SWAP70: variants seen among roughly 807,000 people sequenced by gnomAD.
SWAP70 encodes the protein switch-associated protein 70.
A neutral mutation model predicts 80.2 loss-of-function variants in SWAP70; 34 were observed. The ratio of observed to expected loss-of-function variants is 0.42; its 90% CI spans 0.32 to 0.56. The LOEUF (loss-of-function observed/expected upper bound fraction) is 0.56, where lower values mean the gene tolerates loss of function less well. Among genes scored for constraint, SWAP70 ranks in the 20% least tolerant of loss-of-function variants. The probability of loss-of-function intolerance (pLI) is 0.09; values close to 1 mark genes in which losing one functional copy is unlikely to be tolerated. For synonymous variants in SWAP70, 239 were observed against 238.5 expected, an observed-to-expected ratio of 1.00 and a Z score of -0.02; for missense variants, 578 against 690.7, an observed-to-expected ratio of 0.84 and a Z score of 1.83.
At chr11:9,724,997 G>A (rs556924284) in intron 4 of SWAP70, 112 bp downstream of exon 4, 32 of 815,344 alleles carry the variant, frequency 3.9e-5, no homozygotes, top group Non-Finnish European at 5.9e-5. Flanking sequence ...CACTGATTTC[G>A]TTTTTTTATT....
intron 1 of SWAP70, among the ~76,000 whole-genome samples, chr11:9,675,274 G>A: frequency 6.6e-6 from 1 of 151,070 alleles, no homozygotes. Flanking sequence ...GAAACAGAGT[G>A]AGACCCTGTA....
intron 2 of SWAP70, among the ~76,000 whole-genome samples, chr11:9,698,539 T>C (rs2645015): frequency 0.12 from 17,721 of 151,688 alleles, 2,111 homozygotes; most frequent in African/African-American, 0.3. Flanking sequence ...TGAGTAGCTG[T>C]GACAACAGGC....
chr11:9,726,262 G>T (rs768275710), intron 4 of SWAP70, among the ~76,000 whole-genome samples: 5 of 152,136 alleles, frequency 3.3e-5, no homozygotes, highest in Non-Finnish European at 7.3e-5. Context: ...GATGAAGCTC[G>T]ATGCTTGTTA....
At chr11:9,698,430 C>G (rs1428036070) in intron 2 of SWAP70, among the ~76,000 whole-genome samples, 1 of 151,728 alleles carries the variant, frequency 6.6e-6, no homozygotes, top group East Asian at 1.9e-4. Context: ...CGGAGTCTCT[C>G]TTTGTCCCCC....
chr11:9,696,046 A>G (rs1183388012), intron 2 of SWAP70, among the ~76,000 whole-genome samples: 1 of 152,154 alleles, frequency 6.6e-6, no homozygotes, highest in African/African-American at 2.4e-5. Context: ...GTGGTGGAGT[A>G]ATGTGTGAAT....
At chr11:9,670,943 C>T (rs892273954) in intron 1 of SWAP70, among the ~76,000 whole-genome samples, 4 of 150,426 alleles carry the variant, frequency 2.7e-5, no homozygotes, top group Non-Finnish European at 5.9e-5. Flanking sequence ...TTAGTAGAGA[C>T]GGGGTTTCAC....
chr11:9,729,146 T>G (rs1303210981), intron 5 of SWAP70, among the ~76,000 whole-genome samples, 197 bp from the exon 6 acceptor site: 1 of 152,192 alleles, frequency 6.6e-6, no homozygotes, highest in East Asian at 1.9e-4. Flanking sequence ...GTTTTACCAG[T>G]CTAGATGTAG....
intron 2 of SWAP70, among the ~76,000 whole-genome samples, chr11:9,696,547 A>G (rs961788774): frequency 6.6e-6 from 1 of 152,128 alleles, no homozygotes; most frequent in Non-Finnish European, 1.5e-5. Context: ...CCCTCAAATC[A>G]ATATATGCTA....
chr11:9,716,613 C>T (rs1851069360), intron 3 of SWAP70, among the ~76,000 whole-genome samples: 1 of 152,138 alleles, frequency 6.6e-6, no homozygotes, highest in African/African-American at 2.4e-5. Context: ...AGTGCCTGGA[C>T]CCATGGTAGC....
At chr11:9,665,491 A>T (rs1850297440) in intron 1 of SWAP70, among the ~76,000 whole-genome samples, 1 of 152,180 alleles carries the variant, frequency 6.6e-6, no homozygotes. Context: ...TATCACCACA[A>T]CCATGGCTTC....
chr11:9,674,786 A>AC (rs1850465852), intron 1 of SWAP70, among the ~76,000 whole-genome samples: 1 of 151,822 alleles, frequency 6.6e-6, no homozygotes, highest in Non-Finnish European at 1.5e-5. Context: ...AACACGGTGA[A>AC]ACCCCTTCTC....
At chr11:9,725,530 A>AATATATATATAT (rs1211819180) in intron 4 of SWAP70, among the ~76,000 whole-genome samples, 8 of 60,566 alleles carry the variant, frequency 1.3e-4, no homozygotes, top group African/African-American at 3.3e-4. Flanking sequence ...AAAAATACAA[A>AATATATATATAT]ATATATATAT....
rs79031269 is a variant in SWAP70, at chr11:9,702,502, G to C, written c.240+8216G>C. The stretch of plus-strand genomic sequence containing the variant: ...TCATGGCTCACTGCAACCTTGCCCT[G>C]CTGGTCTCAAGAGATCCTCCCACCT... On this transcript the variant is annotated intron_variant, in intron 2 of 11. Coordinates refer to ENST00000318950, the MANE Select transcript of SWAP70 (RefSeq NM_015055.4). Among the ~76,000 whole-genome samples, 2,321 of 151,746 alleles carry C rather than the reference G, an allele frequency of 0.015. 128 individuals are homozygous for C. The East Asian group carries it at 0.19, about 12-fold the overall frequency.
chr11:9,712,582 C>G lies in SWAP70; in HGVS notation c.241-884C>G, dbSNP rs372850914. Among the ~76,000 whole-genome samples, 65 of 152,160 alleles carry G rather than the reference C, an allele frequency of 4.3e-4. No individual in the cohort carries two copies. In the South Asian group the frequency reaches 0.013, roughly 30 times the overall value. ...TTAAAAAATAAAAACAAAAAATAGG[C>G]CAGGCACAGTGGCTCATGCCTATCT... On this transcript the variant is annotated intron_variant, in intron 2 of 11. Coordinates refer to ENST00000318950, the MANE Select transcript of SWAP70 (RefSeq NM_015055.4).
At chr11:9,737,663 T>C (rs1312327648) in intron 7 of SWAP70, among the ~76,000 whole-genome samples, 1 of 152,118 alleles carries the variant, frequency 6.6e-6, no homozygotes, top group Non-Finnish European at 1.5e-5. Context: ...TTCGGGAGGC[T>C]GAGGTGGGCG....
rs1432980165 is a variant in SWAP70 at position 9,726,261 on chromosome 11, C to T, written c.642+1376C>T. Among the ~76,000 whole-genome samples, 7 of 152,112 alleles carry T rather than the reference C, an allele frequency of 4.6e-5. No individual in the cohort carries two copies. The East Asian group carries it at 1.3e-3, about 29-fold the overall frequency. On this transcript the variant is annotated intron_variant, in intron 4 of 11. Coordinates refer to ENST00000318950, the MANE Select transcript of SWAP70 (RefSeq NM_015055.4). ...AGCACCCAGCATAGCAGATGAAGCT[C>T]GATGCTTGTTAAATACAATTTATAT... is the stretch of plus-strand genomic sequence containing the variant.
At chr11:9,699,290 G>C (rs1409716117) in intron 2 of SWAP70, among the ~76,000 whole-genome samples, 1 of 151,950 alleles carries the variant, frequency 6.6e-6, no homozygotes, top group African/African-American at 2.4e-5. Context: ...TACTTTAAAA[G>C]GGTGAATTTT....
At chr11:9,676,218 A>G (rs1221664234) in intron 1 of SWAP70, among the ~76,000 whole-genome samples, 2 of 152,228 alleles carry the variant, frequency 1.3e-5, no homozygotes, top group Non-Finnish European at 2.9e-5. Flanking sequence ...TTCTGTGTTA[A>G]CTGATGGTAG....
intron 1 of SWAP70, among the ~76,000 whole-genome samples, chr11:9,664,885 A>G (rs1009513492): frequency 6.6e-6 from 1 of 152,142 alleles, no homozygotes; most frequent in African/African-American, 2.4e-5. Context: ...TAAGTTTGGA[A>G]CTAGTGGACG....
Sources: allele counts gnomAD v4.1 joint callset (sites outside exome capture counted in the v4.1 genomes callset), GRCh38; gene constraint gnomAD v4.1.1; transcripts MANE v1.5; gene names NCBI Gene and HGNC (gene_info 2026-07-23, HGNC 2026-07-21).